The following CLSTN2 variants were observed in gnomAD, a reference collection of about 807,000 sequenced individuals.
The protein encoded by CLSTN2 is calsyntenin 2.
CLSTN2 carries 48 observed loss-of-function variants against 101.2 expected under a neutral mutation model. The observed-to-expected ratio is 0.47, with a 90% CI of 0.38 to 0.60. The LOEUF (loss-of-function observed/expected upper bound fraction) is 0.60, where lower values mean the gene tolerates loss of function less well. Among genes scored for constraint, CLSTN2 ranks in the 20% least tolerant of loss-of-function variants. CLSTN2 has a pLI of 0.00. For missense variants in CLSTN2, 1,160 were observed against 1,238.2 expected (o/e 0.94, Z 0.95); for synonymous variants, 481 against 463.6 (o/e 1.04, Z -0.48).
At chr3:140,459,167 G>C (rs78631499) in intron 6 of CLSTN2, among the ~76,000 whole-genome samples, 4,126 of 152,296 alleles carry the variant, frequency 0.027, 81 homozygotes, top group South Asian at 0.071. Flanking sequence ...AGGTGTGTGA[G>C]TGAATCCATC....
intron 2 of CLSTN2, among the ~76,000 whole-genome samples, chr3:140,321,660 A>G (rs1559838418): frequency 6.6e-6 from 1 of 152,112 alleles, no homozygotes; most frequent in Non-Finnish European, 1.5e-5. Flanking sequence ...ACACCCCACC[A>G]AAACCCTGGA....
intron 8 of CLSTN2, among the ~76,000 whole-genome samples, chr3:140,477,875 T>A (rs1328258111): frequency 6.6e-6 from 1 of 152,220 alleles, no homozygotes; most frequent in African/African-American, 2.4e-5. Flanking sequence ...TGAACATGTC[T>A]ACATGGTTCA....
intron 1 of CLSTN2, among the ~76,000 whole-genome samples, chr3:140,019,296 A>C (rs767839945): frequency 2.6e-5 from 4 of 152,224 alleles, no homozygotes; most frequent in Non-Finnish European, 5.9e-5. Flanking sequence ...TGAGTAAAGC[A>C]GATTACCTTT....
At position 140,576,456 on chromosome 3, in the gene CLSTN2, T is replaced by C. The variant is rs1478510628; in HGVS notation, c.*10203T>C. ...ATGTAAAGGTTCTGGGTTCAGCCAG[T>C]CTAAAAAGTCTAATAATTTCTTCTC... On this transcript the variant is annotated 3_prime_UTR_variant, in exon 17 of 17. Coordinates refer to ENST00000458420, the MANE Select transcript of CLSTN2 (RefSeq NM_022131.3). 1 of 152,274 alleles carries C rather than the reference T, an allele frequency of 6.6e-6. No homozygotes were observed. The highest frequency in any genetic ancestry group is 1.9e-4 in the East Asian group (1 of 5,206). The allele number at this position is 152,274 out of a possible 1,614,324, so 9.4% of individuals were successfully genotyped here. A position where few individuals can be genotyped will look rare whatever the true frequency, so the allele number is the denominator to read the frequency against.
chr3:140,300,857 A>G (rs1477917792), intron 2 of CLSTN2, among the ~76,000 whole-genome samples: 2 of 152,106 alleles, frequency 1.3e-5, no homozygotes, highest in Non-Finnish European at 2.9e-5. Context: ...GACTTACACA[A>G]TTATGGAGGC....
intron 1 of CLSTN2, among the ~76,000 whole-genome samples, chr3:139,965,026 A>G (rs547323614): frequency 1.9e-4 from 29 of 152,222 alleles, no homozygotes; most frequent in African/African-American, 7.0e-4. Flanking sequence ...TTGATATTTT[A>G]TACTTTGGGA....
At chr3:139,965,090 T>C (rs1935570650) in intron 1 of CLSTN2, among the ~76,000 whole-genome samples, 2 of 152,232 alleles carry the variant, frequency 1.3e-5, no homozygotes. Flanking sequence ...CCACCCTCTC[T>C]TGGCCCCACG....
intron 15 of CLSTN2, among the ~76,000 whole-genome samples, chr3:140,563,509 T>A (rs560484636): frequency 6.6e-6 from 1 of 152,194 alleles, no homozygotes; most frequent in Admixed American, 6.5e-5. Context: ...CTACACACAC[T>A]CACACACACG....
intron 2 of CLSTN2, among the ~76,000 whole-genome samples, chr3:140,394,622 T>A (rs562787870): frequency 9.7e-6 from 1 of 102,958 alleles, no homozygotes; most frequent in East Asian, 2.2e-4. Context: ...AGTACTTCAT[T>A]GCACTTAACT....
chr3:140,143,328 G>A (rs1576443614), intron 1 of CLSTN2, among the ~76,000 whole-genome samples: 1 of 152,142 alleles, frequency 6.6e-6, no homozygotes, highest in East Asian at 1.9e-4. Flanking sequence ...TAATTCATCT[G>A]AGTCTGAAGG....
chr3:140,192,360 A>G (rs966533769), intron 2 of CLSTN2, among the ~76,000 whole-genome samples: 1 of 151,878 alleles, frequency 6.6e-6, no homozygotes, highest in Non-Finnish European at 1.5e-5. Context: ...ATCCTAGCTG[A>G]TTTTCGGACT....
At chr3:140,389,825 C>T (rs533790668) in intron 2 of CLSTN2, among the ~76,000 whole-genome samples, 1 of 152,274 alleles carries the variant, frequency 6.6e-6, no homozygotes, top group African/African-American at 2.4e-5. Context: ...TCTATTTTGA[C>T]TTGCATGAGA....
chr3:140,562,346 C>T (rs1174745773), intron 13 of CLSTN2, 38 bp downstream of exon 13: 2 of 1,574,860 alleles, frequency 1.3e-6, no homozygotes, highest in Non-Finnish European at 1.7e-6. Flanking sequence ...CCAAGGGTGT[C>T]CTCTTAGAAT....
At chr3:140,010,231 T>C (rs2007044918) in intron 1 of CLSTN2, among the ~76,000 whole-genome samples, 1 of 152,256 alleles carries the variant, frequency 6.6e-6, no homozygotes, top group Non-Finnish European at 1.5e-5. Context: ...TTCTATCTTT[T>C]GGGAGATTTC....
At chr3:140,398,575 A>G (rs144991669) in intron 2 of CLSTN2, among the ~76,000 whole-genome samples, 160 of 152,294 alleles carry the variant, frequency 1.1e-3, no homozygotes, top group African/African-American at 3.5e-3. Context: ...CACACTCAGA[A>G]CCACTGTCCT....
intron 2 of CLSTN2, among the ~76,000 whole-genome samples, chr3:140,393,273 G>C (rs1034322973): frequency 6.6e-6 from 1 of 152,168 alleles, no homozygotes; most frequent in African/African-American, 2.4e-5. Context: ...AAAATGGGGA[G>C]AGAGAGATTC....
chr3:139,938,921 C>A (rs917931627), intron 1 of CLSTN2, among the ~76,000 whole-genome samples: 2 of 152,014 alleles, frequency 1.3e-5, no homozygotes, highest in Admixed American at 6.6e-5. Context: ...ACCCTCCACC[C>A]CTCCCACCCC....
chr3:140,335,368 A>G (rs1051457188), intron 2 of CLSTN2, among the ~76,000 whole-genome samples: 8 of 152,164 alleles, frequency 5.3e-5, no homozygotes, highest in Non-Finnish European at 8.8e-5. Context: ...TTCTATTCTT[A>G]AAAATAGTTG....
At chr3:140,164,571 T>C (rs1368738376) in intron 1 of CLSTN2, among the ~76,000 whole-genome samples, 2 of 152,184 alleles carry the variant, frequency 1.3e-5, no homozygotes, top group Non-Finnish European at 2.9e-5. Context: ...AAGGCAGCAC[T>C]TTGACATTAA....
Sources: allele counts gnomAD v4.1 joint callset (sites outside exome capture counted in the v4.1 genomes callset), GRCh38; gene constraint gnomAD v4.1.1; transcripts MANE v1.5; gene names NCBI Gene and HGNC (gene_info 2026-07-23, HGNC 2026-07-21).